STXBP4: variants seen among roughly 807,000 people sequenced by gnomAD.
STXBP4 encodes syntaxin-binding protein 4.
Under a neutral mutation model 76.1 loss-of-function variants are expected in STXBP4, and 55 were observed. The observed-to-expected ratio is 0.72, with a 90% CI of 0.58 to 0.91. STXBP4 has a LOEUF of 0.91. Among genes scored for constraint, STXBP4 ranks in the 40% least tolerant of loss-of-function variants. The pLI is 0.00. For synonymous variants in STXBP4, 201 were observed against 220.2 expected, an observed-to-expected ratio of 0.91 and a Z score of 0.77; for missense variants, 618 against 636.9, an observed-to-expected ratio of 0.97 and a Z score of 0.32.
chr17:54,996,808 G>A (rs1407779436), intron 4 of STXBP4, among the ~76,000 whole-genome samples: 3 of 152,204 alleles, frequency 2.0e-5, no homozygotes, highest in Non-Finnish European at 4.4e-5. Flanking sequence ...AGTTAAGTCA[G>A]AATTAGGCTG....
the STXBP4 span, among the ~76,000 whole-genome samples, chr17:55,207,687 A>T: frequency 6.6e-6 from 1 of 152,202 alleles, no homozygotes; most frequent in South Asian, 2.1e-4. Context: ...GACCCTTATC[A>T]CCAATTGTTT....
chr17:55,108,058 G>A (rs2079657923), intron 16 of STXBP4, among the ~76,000 whole-genome samples: 1 of 152,190 alleles, frequency 6.6e-6, no homozygotes, highest in Non-Finnish European at 1.5e-5. Flanking sequence ...CAGGGAGATG[G>A]GAGTTTTATC....
intron 12 of STXBP4, among the ~76,000 whole-genome samples, chr17:55,052,205 G>A (rs193018221): frequency 6.6e-6 from 1 of 152,154 alleles, no homozygotes; most frequent in African/African-American, 2.4e-5. Flanking sequence ...TCAGAAATGA[G>A]GAAGGGTAAG....
At chr17:55,043,607 A>G (rs1434030565) in intron 11 of STXBP4, 1 of 1,549,338 alleles carries the variant, frequency 6.5e-7, no homozygotes, top group African/African-American at 1.4e-5. Context: ...ATTCTCTCTC[A>G]TTAGTGGCCA....
rs192633737 is a variant in STXBP4 at position 55,169,020 on chromosome 17, A to G, written c.*9109A>G. On this transcript the variant is annotated 3_prime_UTR_variant, in exon 18 of 18. Coordinates refer to ENST00000376352, the MANE Select transcript of STXBP4 (RefSeq NM_178509.6). ...CAAATTCATGCATGCACAGGCAAAG[A>G]CAACCATATCACTATGACCACCTGG... 6.6e-6 allele frequency: 1 copy of G among 152,254 alleles called. No individual in the cohort carries two copies. Among genetic ancestry groups the G allele is most frequent in the Non-Finnish European group, 1.5e-5 (1 of 68,046 alleles). 9.4% of individuals were successfully genotyped at this position (152,254 alleles called of 1,614,324 possible).
chr17:55,016,777 T>C (rs2078215350), intron 8 of STXBP4, among the ~76,000 whole-genome samples: 1 of 152,238 alleles, frequency 6.6e-6, no homozygotes, highest in Non-Finnish European at 1.5e-5. Flanking sequence ...TGGTGTTAAA[T>C]TACCTTTTTC....
intron 16 of STXBP4, among the ~76,000 whole-genome samples, chr17:55,121,379 A>G (rs1272132323): frequency 6.6e-6 from 1 of 152,128 alleles, no homozygotes; most frequent in Non-Finnish European, 1.5e-5. Flanking sequence ...ATAAAGGAAA[A>G]CTGTCATAAT....
intron 1 of STXBP4, among the ~76,000 whole-genome samples, chr17:54,978,512 C>T (rs1463793519): frequency 6.6e-6 from 1 of 152,006 alleles, no homozygotes; most frequent in South Asian, 2.1e-4. Flanking sequence ...TGTGAAACAC[C>T]AGATCTATGT....
At chr17:55,022,789 A>G (rs2078337950) in intron 8 of STXBP4, among the ~76,000 whole-genome samples, 1 of 152,170 alleles carries the variant, frequency 6.6e-6, no homozygotes, top group African/African-American at 2.4e-5. Context: ...AGAAAAAAGA[A>G]ATGTGTTCCT....
chr17:54,977,180 A>G (rs940802359), intron 1 of STXBP4, among the ~76,000 whole-genome samples: 1 of 152,186 alleles, frequency 6.6e-6, no homozygotes, highest in Non-Finnish European at 1.5e-5. Context: ...AGCATTTCTG[A>G]ACTCGTTAGA....
intron 10 of STXBP4, among the ~76,000 whole-genome samples, chr17:55,036,067 A>G (rs1309895229): frequency 6.6e-6 from 1 of 152,030 alleles, no homozygotes; most frequent in Admixed American, 6.6e-5. Flanking sequence ...ATACATCGTT[A>G]TTAACTGTAG....
chr17:55,187,962 A>G, the STXBP4 span, among the ~76,000 whole-genome samples: 1 of 152,208 alleles, frequency 6.6e-6, no homozygotes, highest in East Asian at 1.9e-4. Flanking sequence ...CTCTACATGC[A>G]TTATCTCATT....
At chr17:55,041,698 G>C (rs2078701485) in intron 10 of STXBP4, among the ~76,000 whole-genome samples, 1 of 152,122 alleles carries the variant, frequency 6.6e-6, no homozygotes, top group South Asian at 2.1e-4. Flanking sequence ...GGGGTTTGTA[G>C]TATGGTGAAA....
rs1430855921 is a variant in STXBP4, at chr17:55,160,549, G to C, written c.*638G>C. On this transcript the variant is annotated 3_prime_UTR_variant, in exon 18 of 18. Coordinates refer to ENST00000376352, the MANE Select transcript of STXBP4 (RefSeq NM_178509.6). ...TTTTCAGTAGGGAAATAGCAGTTCA[G>C]AGAGAGGAAGCTCTCTGTCCCAGCA... is the stretch of plus-strand genomic sequence containing the variant. 1 of 152,640 alleles carries C rather than the reference G, an allele frequency of 6.6e-6. No individual in the cohort carries two copies. 9.5% of individuals were successfully genotyped at this position (152,640 alleles called of 1,614,324 possible).
chr17:55,025,160 AATTT>A (rs2078389601), intron 8 of STXBP4, among the ~76,000 whole-genome samples: 1 of 152,130 alleles, frequency 6.6e-6, no homozygotes, highest in Admixed American at 6.6e-5. Flanking sequence ...AATTTAATTT[AATTT>A]AAAAAAAAGT....
intron 8 of STXBP4, among the ~76,000 whole-genome samples, chr17:55,025,486 A>G (rs2078394941): frequency 6.6e-6 from 1 of 152,234 alleles, no homozygotes; most frequent in Non-Finnish European, 1.5e-5. Context: ...GGACAAAACC[A>G]CATAATAGTC....
chr17:55,088,909 A>C (rs895494476), intron 16 of STXBP4, among the ~76,000 whole-genome samples: 1 of 152,158 alleles, frequency 6.6e-6, no homozygotes. Flanking sequence ...TACCTCTAAC[A>C]GTAGAGAAGT....
chr17:54,987,535 T>C (rs1229206527), intron 3 of STXBP4, among the ~76,000 whole-genome samples: 1 of 152,232 alleles, frequency 6.6e-6, no homozygotes, highest in Non-Finnish European at 1.5e-5. Context: ...GTTTTTGTTA[T>C]ATTCCTTGTT....
intron 10 of STXBP4, among the ~76,000 whole-genome samples, chr17:55,038,303 C>T (rs944190135): frequency 6.6e-6 from 1 of 152,038 alleles, no homozygotes; most frequent in East Asian, 1.9e-4. Context: ...CCCAGTCAGC[C>T]GCCACTCCCA....
Sources: allele counts gnomAD v4.1 joint callset (sites outside exome capture counted in the v4.1 genomes callset), GRCh38; gene constraint gnomAD v4.1.1; transcripts MANE v1.5; gene names NCBI Gene and HGNC (gene_info 2026-07-23, HGNC 2026-07-21).